Variants in RIPOR1 observed in about 807,000 individuals in gnomAD.
RIPOR1 encodes the protein RHO family interacting cell polarization regulator 1.
RIPOR1 carries 58 observed loss-of-function variants against 116.5 expected under a neutral mutation model. The observed-to-expected ratio is 0.50, with a 90% CI of 0.40 to 0.62. RIPOR1 has a LOEUF of 0.62. Ranked by LOEUF, RIPOR1 falls within the 20% of genes least tolerant of loss-of-function variation. RIPOR1 has a pLI of 0.00. For missense variants in RIPOR1, 1,372 were observed against 1,586.2 expected, an observed-to-expected ratio of 0.86 and a Z score of 2.29; for synonymous variants, 605 against 650.0, an observed-to-expected ratio of 0.93 and a Z score of 1.05.
At position 67,541,344 on chromosome 16, in the gene RIPOR1, A is replaced by G. The variant is rs2050975476; in HGVS notation, c.802-86A>G. 3 of 1,474,452 alleles carry G rather than the reference A, an allele frequency of 2.0e-6. No individual in the cohort carries two copies. The highest frequency in any genetic ancestry group is 2.8e-6 in the Non-Finnish European group (3 of 1,088,952). 91.3% of individuals were successfully genotyped at this position (1,474,452 alleles called of 1,614,324 possible). ...CTCAGCCTCCCATGACCATTTTATA[A>G]GTTCTATGCAAATTCAGACCTCAGA... On this transcript the variant is annotated intron_variant, in intron 10 of 21. Coordinates refer to ENST00000042381, the MANE Select transcript of RIPOR1 (RefSeq NM_024519.4). This position sits in a 1 kb window ranked among gnomAD's most constrained non-coding sequence, Gnocchi z 4.6.
chr16:67,521,396 T>C (rs995740938), intron 1 of RIPOR1, among the ~76,000 whole-genome samples: 1 of 152,128 alleles, frequency 6.6e-6, no homozygotes, highest in African/African-American at 2.4e-5. Context: ...ACCCTCCAAA[T>C]CTCTGTCAGA....
At chr16:67,523,880 A>G (rs983841648), upstream of RIPOR1, among the ~76,000 whole-genome samples, 6 of 151,798 alleles carry the variant, frequency 4.0e-5, no homozygotes, top group African/African-American at 1.5e-4. Context: ...GTTTTACTAT[A>G]TTGCCCAGTC....
At position 67,541,882 on chromosome 16, in the gene RIPOR1, CAGG is replaced by C; in HGVS notation, c.1102_1104del (p.Glu368del). On this transcript the variant is annotated inframe_deletion, in exon 13 of 22. Transcript: ENST00000042381. This position sits in a 1 kb window ranked among gnomAD's most constrained non-coding sequence, Gnocchi z 4.6. ...TCTTTCTCAGAACATGCTGCGACGG[CAGG>C]AGGAGCTGGAGAATGGGACAGCATG... The C allele has an allele frequency of 6.2e-7, 1 of 1,608,994 alleles. No individual in the cohort carries two copies. The highest frequency in any genetic ancestry group is 1.1e-5 in the South Asian group (1 of 91,010).
rs777567657 is a variant in RIPOR1, at chr16:67,541,868, A to C, written c.1082A>C (p.Asn361Thr). ...GAAATGCCCTCTCCTCTTTCTCAGA[A>C]CATGCTGCGACGGCAGGAGGAGCTG... Reference protein sequence around the residue: ...TPSLREQAFYNMLRRQEELEN... With the variant: ...TPSLREQAFYTMLRRQEELEN... The change falls in exon 13 of 22, where the codon AAC becomes ACC. Residue 361 changes from asparagine (N) to threonine (T), a missense_variant and splice_region_variant. Physicochemically the swap from Asn to Thr is moderately conservative, Grantham distance 65. Coordinates refer to ENST00000042381, the MANE Select transcript of RIPOR1 (RefSeq NM_024519.4). The surrounding 1 kb of genome is among the most constrained non-coding windows in gnomAD (Gnocchi z 4.6). 3 of 1,609,866 alleles carry C rather than the reference A, an allele frequency of 1.9e-6. No individual in the cohort carries two copies. Among genetic ancestry groups the C allele is most frequent in the Non-Finnish European group, 1.7e-6 (2 of 1,176,828 alleles).
At position 67,546,154 on chromosome 16, in the gene RIPOR1, T is replaced by C. The variant is rs765689234; in HGVS notation, c.3485T>C (p.Ile1162Thr). The C allele has an allele frequency of 1.9e-6, 3 of 1,611,816 alleles. No individual in the cohort carries two copies. Among genetic ancestry groups the C allele is most frequent in the Non-Finnish European group, 8.5e-7 (1 of 1,178,998 alleles). Residue 1162 changes from isoleucine to threonine, a missense_variant, in exon 21 of 22, where the codon ATT becomes ACT. This residue lies in a region of RIPOR1 where 1,005 missense variants were observed against 1,144.7 expected (regional missense o/e 0.88). Transcript: ENST00000042381. ...ALGCIKAPEGIEPLVYLCQTD... is the reference protein window; with the variant it reads ...ALGCIKAPEGTEPLVYLCQTD... Reference sequence around the variant, plus strand: ...CTCCCCTGACAGGCTCCCGAGGGCATTGAGCCCCTGGTGTACCTCTGCCAA... The same window carrying C: ...CTCCCCTGACAGGCTCCCGAGGGCACTGAGCCCCTGGTGTACCTCTGCCAA...
Position 67,542,911 on chromosome 16 carries a change from C to A in RIPOR1, c.2125C>A (p.Pro709Thr), listed in dbSNP as rs2051036858. 3.1e-6 allele frequency: 5 copies of A among 1,607,312 alleles called. No homozygotes were observed. The highest frequency in any genetic ancestry group is 4.3e-6 in the Non-Finnish European group (5 of 1,175,840). The change falls in exon 13 of 22, where the codon CCA becomes ACA. Residue 709 changes from proline (P) to threonine (T), a missense_variant. Transcript: ENST00000042381. This position sits in a 1 kb window ranked among gnomAD's most constrained non-coding sequence, Gnocchi z 4.6. ...CACTGACTCCCTTCCCTGTAGTCCC[C>A]CAGTCTCCAATTCCTACACTCAGGC... ...PGTDSLPCSP[P>T]VSNSYTQADP...
chr16:67,542,646 A>G lies in RIPOR1; in HGVS notation c.1860A>G (p.Thr620=), dbSNP rs777498778. The change falls in exon 13 of 22, where the codon ACA becomes ACG. Residue 620 remains threonine (T), a synonymous_variant. Transcript: ENST00000042381. This position sits in a 1 kb window ranked among gnomAD's most constrained non-coding sequence, Gnocchi z 4.6. The stretch of plus-strand genomic sequence containing the variant: ...CAGCAAGCCCCACTCATACTTCCAC[A>G]AGCCCCACCCATACCCCCACAAGTC... ...HTTASPTHTS[T]SPTHTPTSPT... 2 of 1,613,084 alleles carry G rather than the reference A, an allele frequency of 1.2e-6. No homozygotes were observed. Among genetic ancestry groups the G allele is most frequent in the Non-Finnish European group, 1.7e-6 (2 of 1,179,726 alleles).
At chr16:67,521,516 C>G (rs530374662) in intron 1 of RIPOR1, among the ~76,000 whole-genome samples, 1 of 152,332 alleles carries the variant, frequency 6.6e-6, no homozygotes, top group South Asian at 2.1e-4. Flanking sequence ...GCAGTTCATC[C>G]CATGAGCTGG....
rs931512405 is a variant in RIPOR1 at position 67,537,785 on chromosome 16, G to A, written c.-23-639G>A. Among the ~76,000 whole-genome samples the A allele has an allele frequency of 2.6e-5, 4 of 152,120 alleles. No individual in the cohort carries two copies. Among genetic ancestry groups the A allele is most frequent in the Non-Finnish European group, 4.4e-5 (3 of 67,984 alleles). On this transcript the variant is annotated intron_variant, in intron 1 of 21. Coordinates refer to ENST00000042381, the MANE Select transcript of RIPOR1 (RefSeq NM_024519.4). The surrounding 1 kb of genome is among the most constrained non-coding windows in gnomAD (Gnocchi z 4.6). Reference sequence around the variant, plus strand: ...TCCAGGTGGGAGCCTCAGGAAAGAGGAGGGGGCGGGGCCCTTCTCGGCATC... The same window carrying A: ...TCCAGGTGGGAGCCTCAGGAAAGAGAAGGGGGCGGGGCCCTTCTCGGCATC...
Position 67,540,193 on chromosome 16 carries a change from C to T in RIPOR1, c.555C>T (p.Arg185=), listed in dbSNP as rs371091978. 8 of 1,613,950 alleles carry T rather than the reference C, an allele frequency of 5.0e-6. No homozygotes were observed. The highest frequency in any genetic ancestry group is 1.3e-5 in the African/African-American group (1 of 74,926). ...DSLAEATRGH[R]EYTESMCLLE... ...TGGCAGAGGCCACTCGGGGGCATCG[C>T]GAGTACACGGAGGTGAGGGATGGGG... is the stretch of plus-strand genomic sequence containing the variant. The change falls in exon 7 of 22, where the codon CGC becomes CGT. Residue 185 remains arginine, a synonymous_variant. Transcript: ENST00000042381. This position sits in a 1 kb window ranked among gnomAD's most constrained non-coding sequence, Gnocchi z 4.7.
chr16:67,524,218 A>G (rs964178247), upstream of RIPOR1, among the ~76,000 whole-genome samples: 14 of 152,248 alleles, frequency 9.2e-5, no homozygotes, highest in Non-Finnish European at 1.8e-4. Flanking sequence ...GCCTGATGAC[A>G]GTGGTAAAGC....
Position 67,542,191 on chromosome 16 carries a change from G to A in RIPOR1, c.1405G>A (p.Gly469Ser). The A allele has an allele frequency of 5.0e-6, 8 of 1,613,854 alleles. No individual in the cohort carries two copies. The highest frequency in any genetic ancestry group is 6.8e-6 in the Non-Finnish European group (8 of 1,179,854). Residue 469 changes from glycine (G) to serine (S), a missense_variant, in exon 13 of 22, where the codon GGC (glycine) becomes AGC (serine). By Grantham distance (56) the Gly-to-Ser change is moderately conservative. This residue lies in a region of RIPOR1 where 1,005 missense variants were observed against 1,144.7 expected (regional missense o/e 0.88). Coordinates refer to ENST00000042381, the MANE Select transcript of RIPOR1 (RefSeq NM_024519.4). The surrounding 1 kb of genome is among the most constrained non-coding windows in gnomAD (Gnocchi z 4.6). ...GGCTGAGGCTTCAGTGGAGGCCGTT[G>A]GCCCAGAAAGCCTAGCCTGGGGACC... ...ALAEASVEAV[G>S]PESLAWGPSP...
Position 67,542,007 on chromosome 16 carries a change from C to A in RIPOR1, c.1221C>A (p.Pro407=). The A allele has an allele frequency of 1.2e-6, 2 of 1,610,128 alleles. No individual in the cohort carries two copies. The highest frequency in any genetic ancestry group is 2.2e-5 in the South Asian group (2 of 90,964). The change falls in exon 13 of 22, where the codon CCC becomes CCA. Residue 407 remains proline (P), a synonymous_variant. Transcript: ENST00000042381. The surrounding 1 kb of genome is among the most constrained non-coding windows in gnomAD (Gnocchi z 4.6). ...SPAPRPLVQQ[P]EPLPIQVAFR... is the part of the protein sequence containing the mutation. The stretch of plus-strand genomic sequence containing the variant: ...CCCCTAGGCCCCTGGTGCAGCAGCC[C>A]GAGCCCCTTCCCATCCAAGTTGCCT...
rs1005463471 is a variant in RIPOR1, at chr16:67,537,595, G to C, written c.-23-829G>C. On this transcript the variant is annotated intron_variant, in intron 1 of 21. Coordinates refer to ENST00000042381, the MANE Select transcript of RIPOR1 (RefSeq NM_024519.4). The surrounding 1 kb of genome is among the most constrained non-coding windows in gnomAD (Gnocchi z 4.6). ...GGACCCACCATGAACACCAAGAAGA[G>C]AGGTAGGACCCAGCTCGGGGCTGCG... 7.0e-7 allele frequency: 1 copy of C among 1,420,626 alleles called. No homozygotes were observed. The highest frequency in any genetic ancestry group is 3.0e-5 in the East Asian group (1 of 33,408). The allele number at this position is 1,420,626 out of a possible 1,614,324, so 88.0% of individuals were successfully genotyped here.
At chr16:67,520,706 A>G (rs1010779620) in intron 1 of RIPOR1, among the ~76,000 whole-genome samples, 1 of 151,996 alleles carries the variant, frequency 6.6e-6, no homozygotes, top group Non-Finnish European at 1.5e-5. Flanking sequence ...AGGCTGAGGC[A>G]GGAGAATCGC....
intron 1 of RIPOR1, among the ~76,000 whole-genome samples, chr16:67,535,956 G>C (rs938383392): frequency 2.0e-5 from 3 of 152,180 alleles, no homozygotes; most frequent in East Asian, 1.9e-4. Flanking sequence ...AATCTGTCGG[G>C]GGGAGGGGGA....
In RIPOR1 at chr16:67,529,395, G is replaced by A. The variant is rs900619617; in HGVS notation, c.-24+481G>A. On this transcript the variant is annotated intron_variant, in intron 1 of 21. Transcript: ENST00000042381. The surrounding 1 kb of genome is among the most constrained non-coding windows in gnomAD (Gnocchi z 4.1). Reference sequence around the variant, plus strand: ...GGCCGGCCTAAGCGGCTTTGTGGCCGGCCCCGAGGTGACCGAGCCTGGGCT... The same window carrying A: ...GGCCGGCCTAAGCGGCTTTGTGGCCAGCCCCGAGGTGACCGAGCCTGGGCT... 6 of 187,194 alleles carry A rather than the reference G, an allele frequency of 3.2e-5. No homozygotes were observed. The highest frequency in any genetic ancestry group is 5.5e-5 in the Non-Finnish European group (5 of 90,484). The allele number at this position is 187,194 out of a possible 1,614,324, so 11.6% of individuals were successfully genotyped here. A position where few individuals can be genotyped will look rare whatever the true frequency, so the allele number is the denominator to read the frequency against.
chr16:67,526,967 G>C (rs746527031), upstream of RIPOR1, among the ~76,000 whole-genome samples: 3 of 152,222 alleles, frequency 2.0e-5, no homozygotes, highest in Non-Finnish European at 4.4e-5. Context: ...CCAGAAAGCA[G>C]CCAGGGGCTC....
chr16:67,545,168 G>A lies in RIPOR1; in HGVS notation c.3031+51G>A. ...CCCTTGCTCAGATTCCCAGTGACAG[G>A]AAGCTCGGGGAAGCCAGGTCAGCCC... On this transcript the variant is annotated intron_variant, in intron 17 of 21. Transcript: ENST00000042381. The surrounding 1 kb of genome is among the most constrained non-coding windows in gnomAD (Gnocchi z 4.8). 9 of 1,595,320 alleles carry A rather than the reference G, an allele frequency of 5.6e-6. No homozygotes were observed. The highest frequency in any genetic ancestry group is 7.7e-6 in the Non-Finnish European group (9 of 1,171,820).
Sources: allele counts gnomAD v4.1 joint callset (sites outside exome capture counted in the v4.1 genomes callset), GRCh38; gene constraint gnomAD v4.1.1; regional missense constraint gnomAD v4.1.1; non-coding constraint Gnocchi (gnomAD v3.1); transcripts MANE v1.5; gene names NCBI Gene and HGNC (gene_info 2026-07-23, HGNC 2026-07-21).